Variants in PDGFC observed in about 807,000 individuals in gnomAD.
PDGFC encodes the protein platelet derived growth factor C.
Under a neutral mutation model 35.5 loss-of-function variants are expected in PDGFC, and 12 were observed. The observed-to-expected ratio is 0.34, with a 90% CI of 0.22 to 0.55. The LOEUF (loss-of-function observed/expected upper bound fraction) is 0.55. Ranked by LOEUF, PDGFC falls within the 20% of genes least tolerant of loss-of-function variation. The pLI is 0.91. For synonymous variants in PDGFC, 159 were observed against 148.8 expected, an observed-to-expected ratio of 1.07 and a Z score of -0.50; for missense variants, 322 against 412.4, an observed-to-expected ratio of 0.78 and a Z score of 1.90.
chr4:156,823,756 A>G (rs1288063963), intron 2 of PDGFC, among the ~76,000 whole-genome samples: 1 of 152,190 alleles, frequency 6.6e-6, no homozygotes, highest in Non-Finnish European at 1.5e-5. Flanking sequence ...ACTGCAATCA[A>G]TATGTCGAAG....
chr4:156,841,468 C>T (rs1004833643), intron 2 of PDGFC: 1 of 151,888 alleles, frequency 6.6e-6, no homozygotes, highest in Non-Finnish European at 1.5e-5. Context: ...GTAAATTAAA[C>T]CTTTTTCCTT....
intron 1 of PDGFC, among the ~76,000 whole-genome samples, chr4:156,900,111 T>C (rs1031873222): frequency 6.6e-6 from 1 of 152,202 alleles, no homozygotes; most frequent in African/African-American, 2.4e-5. Context: ...ATCCTCCTCA[T>C]CTACCCAGTC....
At chr4:156,812,838 G>A (rs10517653) in intron 2 of PDGFC, among the ~76,000 whole-genome samples, 1 of 151,948 alleles carries the variant, frequency 6.6e-6, no homozygotes, top group Non-Finnish European at 1.5e-5. Context: ...ACTCAAGAAA[G>A]TTTGTCTCCC....
chr4:156,828,068 T>G (rs1728831030), intron 2 of PDGFC, among the ~76,000 whole-genome samples: 1 of 152,198 alleles, frequency 6.6e-6, no homozygotes, highest in Admixed American at 6.5e-5. Flanking sequence ...CCGGAAATGT[T>G]ATATAATATA....
chr4:156,856,948 A>T (rs1253750058), intron 1 of PDGFC, among the ~76,000 whole-genome samples: 2 of 152,112 alleles, frequency 1.3e-5, no homozygotes, highest in Non-Finnish European at 2.9e-5. Context: ...TTTTGAAAAT[A>T]GAACACATTT....
intron 1 of PDGFC, among the ~76,000 whole-genome samples, chr4:156,929,999 A>C (rs75083447): frequency 6.6e-6 from 1 of 152,198 alleles, no homozygotes; most frequent in Admixed American, 6.5e-5. Flanking sequence ...ATGGGTTGCC[A>C]TTCAATTCTG....
chr4:156,866,496 T>C (rs1729845648), intron 1 of PDGFC, among the ~76,000 whole-genome samples: 1 of 152,102 alleles, frequency 6.6e-6, no homozygotes, highest in Non-Finnish European at 1.5e-5. Context: ...CTCTCACCTC[T>C]ACACAGTTAC....
chr4:156,850,227 A>G lies in PDGFC; in HGVS notation c.308T>C (p.Ile103Thr). 6.4e-7 allele frequency: 1 copy of G among 1,550,734 alleles called. No individual in the cohort carries two copies. Among genetic ancestry groups the G allele is most frequent in the Middle Eastern group, 1.7e-4 (1 of 5,718 alleles). The change falls in exon 2 of 6, where the codon ATA (isoleucine) becomes ACA (threonine). Residue 103 changes from isoleucine (I) to threonine (T), a missense_variant. Ile to Thr is a moderately conservative substitution (Grantham distance 89). Around this residue, in one of 2 missense-constraint regions of PDGFC, gnomAD observed 202 missense variants for 295.9 expected, o/e 0.68. Transcript: ENST00000502773. The stretch of plus-strand genomic sequence containing the variant: ...TTCAAGTATGATCACTTACTTGCAT[A>G]TGTCATCTTCTGGGTCTTCAAGCCC... ...RFGLEDPEDD[I>T]CKYDFVEVEE...
intron 2 of PDGFC, among the ~76,000 whole-genome samples, chr4:156,837,025 G>T (rs1560834074): frequency 6.6e-6 from 1 of 151,818 alleles, no homozygotes; most frequent in African/African-American, 2.4e-5. Context: ...GTACTCCAAG[G>T]GTCAAGAATT....
intron 1 of PDGFC, among the ~76,000 whole-genome samples, chr4:156,887,819 C>G (rs1057156876): frequency 4.2e-4 from 63 of 151,550 alleles, no homozygotes; most frequent in African/African-American, 1.4e-3. Context: ...TGCAACATGG[C>G]GAAAATCTGT....
chr4:156,763,193 C>T lies in PDGFC; in HGVS notation c.935G>A (p.Arg312Lys). ...TKKYHEVLQL[R>K]PKTGVRGLHK... is the part of the protein sequence containing the mutation. ...CAATCCCCTGACACCGGTCTTTGGT[C>T]TCAACTGAAGGACCTGAAAGGGAAT... Residue 312 changes from arginine (R) to lysine (K), a missense_variant, in exon 6 of 6, where the codon AGA becomes AAA. Physicochemically the swap from Arg to Lys is conservative, Grantham distance 26 (BLOSUM62 2). Coordinates refer to ENST00000502773, the MANE Select transcript of PDGFC (RefSeq NM_016205.3). 1 of 1,595,884 alleles carries T rather than the reference C, an allele frequency of 6.3e-7. No homozygotes were observed. Among genetic ancestry groups the T allele is most frequent in the Non-Finnish European group, 8.6e-7 (1 of 1,163,500 alleles).
chr4:156,808,518 C>G (rs531659179), intron 3 of PDGFC, among the ~76,000 whole-genome samples: 2 of 152,008 alleles, frequency 1.3e-5, no homozygotes, highest in East Asian at 3.9e-4. Flanking sequence ...TGGAGGGACC[C>G]TTGCCCCTGA....
chr4:156,769,940 C>T lies in PDGFC; in HGVS notation c.704-1950G>A, dbSNP rs1007067674. Among the ~76,000 whole-genome samples, 4 of 151,982 alleles carry T rather than the reference C, an allele frequency of 2.6e-5. No homozygotes were observed. The South Asian group carries it at 8.3e-4, about 31-fold the overall frequency. On this transcript the variant is annotated intron_variant, in intron 4 of 5. Transcript: ENST00000502773. The stretch of plus-strand genomic sequence containing the variant: ...CTTCAATGCTTATTTAAGAATTATA[C>T]TTCTTTAGAATGTGAGTGAAGAAGC...
intron 5 of PDGFC, 148 bp from the exon 6 acceptor site, chr4:156,763,354 C>A: frequency 5.6e-6 from 2 of 354,456 alleles, no homozygotes; most frequent in Admixed American, 4.2e-5. Context: ...TATGAAAACA[C>A]TCTCCCACCA....
Position 156,893,084 on chromosome 4 carries a change from T to C in PDGFC, c.119-42668A>G, listed in dbSNP as rs116016023. ...AATGATCTACCCCTTATATTTGACA[T>C]TGCAATATCCTCTATTTGGAAACAG... On this transcript the variant is annotated intron_variant, in intron 1 of 5. Transcript: ENST00000502773. 1.6e-3 allele frequency among the ~76,000 whole-genome samples: 243 copies of C among 152,280 alleles called. 1 individual carries two copies. Among genetic ancestry groups the C allele is most frequent in the African/African-American group, 5.7e-3 (238 of 41,552 alleles).
rs1730216789 is a variant in PDGFC, at chr4:156,880,515, T to C, written c.119-30099A>G. Among the ~76,000 whole-genome samples the C allele has an allele frequency of 1.3e-5, 2 of 152,176 alleles. 1 individual carries two copies. Among genetic ancestry groups the C allele is most frequent in the South Asian group, 4.1e-4 (2 of 4,832 alleles). On this transcript the variant is annotated intron_variant, in intron 1 of 5. Transcript: ENST00000502773. ...GGTCACCCAAAAGTTCTGATGCAGA[T>C]GTACAAGGATATTAATGCTGTTTTC...
rs147609945 is a variant in PDGFC, at chr4:156,957,683, G to T, written c.118+13103C>A. 1.2e-4 allele frequency among the ~76,000 whole-genome samples: 19 copies of T among 152,046 alleles called. 1 individual carries two copies. Among genetic ancestry groups the T allele is most frequent in the Admixed American group, 6.6e-4 (10 of 15,262 alleles). ...ATCAGATTTAATTCATAATTTGGCT[G>T]CCTGCATAGCTGGGATGGGCGGGTG... On this transcript the variant is annotated intron_variant, in intron 1 of 5. Coordinates refer to ENST00000502773, the MANE Select transcript of PDGFC (RefSeq NM_016205.3).
chr4:156,824,361 T>C (rs928204088), intron 2 of PDGFC, among the ~76,000 whole-genome samples: 7 of 122,624 alleles, frequency 5.7e-5, no homozygotes, highest in Non-Finnish European at 1.1e-4. Flanking sequence ...TATACACACA[T>C]ATATACACAC....
At chr4:156,913,107 G>A (rs1306400209) in intron 1 of PDGFC, among the ~76,000 whole-genome samples, 1 of 151,976 alleles carries the variant, frequency 6.6e-6, no homozygotes, top group Non-Finnish European at 1.5e-5. Context: ...CTTCTTCAAG[G>A]AGTGAATGAC....
Sources: gnomAD v4.1 joint callset for allele counts (sites outside exome capture counted in the v4.1 genomes callset) on GRCh38, gnomAD v4.1.1 for gene constraint, gnomAD v4.1.1 regional missense constraint, MANE v1.5 for transcripts, NCBI Gene and HGNC (gene_info 2026-07-23, HGNC 2026-07-21) for gene names.